The following C11orf65 variants were observed in gnomAD, a reference collection of about 807,000 sequenced individuals.
C11orf65 encodes protein MFI.
C11orf65 carries 38 observed loss-of-function variants against 35.3 expected under a neutral mutation model. The observed-to-expected ratio is 1.08, with a 90% CI of 0.83 to 1.41. The LOEUF (loss-of-function observed/expected upper bound fraction) is 1.41. C11orf65 is among the 40% of genes most tolerant of loss of function. The pLI, the probability that C11orf65 is intolerant of heterozygous loss-of-function variation, is 0.00. For synonymous variants in C11orf65, 105 were observed against 114.4 expected, an observed-to-expected ratio of 0.92 and a Z score of 0.53; for missense variants, 370 against 367.1, an observed-to-expected ratio of 1.01 and a Z score of -0.06.
Position 108,449,442 on chromosome 11 carries a change from A to G in C11orf65, c.81+12037T>C, listed in dbSNP as rs1295202844. ...GGTACTGGTACCAAAACAGAGATAT[A>G]GATCAATGGAGCAGAACAGAGTCCT... On this transcript the variant is annotated intron_variant, in intron 2 of 8. Coordinates refer to ENST00000393084, the MANE Select transcript of C11orf65 (RefSeq NM_152587.5). Among the ~76,000 whole-genome samples the G allele has an allele frequency of 4.6e-5, 7 of 152,060 alleles. 2 individuals carry two copies. Among genetic ancestry groups the G allele is most frequent in the African/African-American group, 1.7e-4 (7 of 41,290 alleles).
At chr11:108,325,251 T>C in intron 6 of C11orf65, 1 of 190,348 alleles carries the variant, frequency 5.3e-6, no homozygotes, top group Middle Eastern at 1.5e-3. Context: ...CTTACATAGT[T>C]TTTTTTTTTT....
In C11orf65 at chr11:108,315,997, ATCTTT is replaced by A. The variant is rs879254095; in HGVS notation, c.641-6931_641-6927del. 3.1e-6 allele frequency: 5 copies of A among 1,613,556 alleles called. No homozygotes were observed. Among genetic ancestry groups the A allele is most frequent in the South Asian group, 1.1e-5 (1 of 91,066 alleles). Reference sequence around the variant, plus strand: ...TGTAAAACCCAAAGCTATTTTCACAATCTTTTCTTATAGACTACGAACATATGAAC... The same window carrying A: ...TGTAAAACCCAAAGCTATTTTCACAATCTTATAGACTACGAACATATGAAC... On this transcript the variant is annotated intron_variant, in intron 6 of 6. Coordinates refer to the C11orf65 transcript ENST00000525729.
At chr11:108,347,230 A>G (rs764235707) in intron 2 of C11orf65, 2 of 1,355,642 alleles carry the variant, frequency 1.5e-6, no homozygotes, top group Non-Finnish European at 2.1e-6. Context: ...TATATATTAG[A>G]AAGAGATGGA....
At chr11:108,375,269 T>C (rs1322286883) in intron 2 of C11orf65, among the ~76,000 whole-genome samples, 5 of 152,084 alleles carry the variant, frequency 3.3e-5, no homozygotes, top group Non-Finnish European at 5.9e-5. Flanking sequence ...GGGAAGCCCA[T>C]CAGACTAACA....
chr11:108,390,085 G>A lies in C11orf65; in HGVS notation c.731+3123C>T, dbSNP rs548108992. ...GTTGCCCAGGCTGGAGTGCAGTGGCGCGATGTCAGCTCACTGCAACCTCCA... is the reference window on the plus strand; with the variant it reads ...GTTGCCCAGGCTGGAGTGCAGTGGCACGATGTCAGCTCACTGCAACCTCCA... On this transcript the variant is annotated intron_variant, in intron 7 of 8. Transcript: ENST00000393084. Among the ~76,000 whole-genome samples, 20 of 151,822 alleles carry A rather than the reference G, an allele frequency of 1.3e-4. 1 individual carries two copies. The highest frequency in any genetic ancestry group is 4.1e-4 in the African/African-American group (17 of 41,426).
At chr11:108,324,172 C>G (rs898917622) in intron 6 of C11orf65, among the ~76,000 whole-genome samples, 1 of 152,028 alleles carries the variant, frequency 6.6e-6, no homozygotes, top group South Asian at 2.1e-4. Flanking sequence ...TCCTATTACA[C>G]GTAATCTAGA....
At chr11:108,455,434 T>C (rs2093399824) in intron 2 of C11orf65, among the ~76,000 whole-genome samples, 1 of 152,102 alleles carries the variant, frequency 6.6e-6, no homozygotes, top group Non-Finnish European at 1.5e-5. Context: ...GGTGTTTCTA[T>C]AAACCAAAGA....
intron 3 of C11orf65, among the ~76,000 whole-genome samples, chr11:108,332,357 G>A (rs1272181108): frequency 1.3e-5 from 2 of 152,086 alleles, no homozygotes; most frequent in Non-Finnish European, 2.9e-5. Flanking sequence ...ACTTGAACTC[G>A]GGAGGCGGAG....
At chr11:108,403,235 T>C (rs934664945) in intron 6 of C11orf65, among the ~76,000 whole-genome samples, 1 of 152,198 alleles carries the variant, frequency 6.6e-6, no homozygotes, top group African/African-American at 2.4e-5. Context: ...TGACAGACTA[T>C]TTCAGTCATT....
In C11orf65 at chr11:108,345,751, A is replaced by G. The variant is rs538173062; in HGVS notation, c.227-10459T>C. On this transcript the variant is annotated intron_variant, in intron 2 of 3. Transcript: ENST00000524755. ...ATATTCTCTATTTAAAGGAGGTGCA[A>G]AAAAAGTCTTTTGAAGAGAAATATG... The G allele has an allele frequency of 2.1e-5, 34 of 1,610,708 alleles. No homozygotes were observed. The East Asian group carries it at 7.1e-4, about 34-fold the overall frequency.
chr11:108,427,197 A>G (rs149379105), intron 3 of C11orf65, among the ~76,000 whole-genome samples: 3,178 of 152,266 alleles, frequency 0.021, 121 homozygotes, highest in African/African-American at 0.071. Context: ...ATGGGATCTA[A>G]TTAAACTAAA....
At chr11:108,324,114 G>T (rs900315417) in intron 6 of C11orf65, among the ~76,000 whole-genome samples, 21 of 152,066 alleles carry the variant, frequency 1.4e-4, no homozygotes, top group Non-Finnish European at 2.6e-4. Context: ...TTACATTATA[G>T]TAGGTATAAT....
rs1381471148 is a variant in C11orf65 at position 108,450,942 on chromosome 11, C to T, written c.81+10537G>A. ...TCTCAATAGATGCAGAAACGGCCTT[C>T]AATAAAATTCAACAGCTCTTCATGC... On this transcript the variant is annotated intron_variant, in intron 2 of 8. Coordinates refer to ENST00000393084, the MANE Select transcript of C11orf65 (RefSeq NM_152587.5). 1.1e-4 allele frequency among the ~76,000 whole-genome samples: 16 copies of T among 151,772 alleles called. No individual in the cohort carries two copies. In the East Asian group the frequency reaches 3.1e-3, roughly 29 times the overall value.
chr11:108,418,538 T>C (rs2092772798), intron 3 of C11orf65, among the ~76,000 whole-genome samples: 1 of 152,036 alleles, frequency 6.6e-6, no homozygotes, highest in Non-Finnish European at 1.5e-5. Flanking sequence ...TTTATGTCCT[T>C]AAATACATAT....
At chr11:108,353,591 A>G (rs1311996209) in intron 2 of C11orf65, among the ~76,000 whole-genome samples, 2 of 152,236 alleles carry the variant, frequency 1.3e-5, no homozygotes, top group African/African-American at 4.8e-5. Flanking sequence ...TGGATCTCAC[A>G]GACAGTGACA....
chr11:108,406,861 G>GCTTT lies in C11orf65; in HGVS notation c.327_330dup (p.His111LysfsTer6). The GCTTT allele has an allele frequency of 1.2e-6, 2 of 1,612,468 alleles. No homozygotes were observed. Among genetic ancestry groups the GCTTT allele is most frequent in the Non-Finnish European group, 1.7e-6 (2 of 1,178,742 alleles). On this transcript the variant is annotated frameshift_variant, in exon 5 of 9. Coordinates refer to ENST00000393084, the MANE Select transcript of C11orf65 (RefSeq NM_152587.5). LOFTEE classifies it high-confidence loss of function. ...TGATCATTTTTATTATGAGATGTAT[G>GCTTT]CTTTGCTGGAAGTTTTGCATAATTT...
chr11:108,321,195 C>CAGT, intron 6 of C11orf65: 2 of 1,422,410 alleles, frequency 1.4e-6, no homozygotes, highest in Non-Finnish European at 1.9e-6. Flanking sequence ...ATTATTAGAT[C>CAGT]AGTAGCAAAG....
chr11:108,356,344 T>G (rs1039544657), intron 2 of C11orf65, among the ~76,000 whole-genome samples: 3 of 152,100 alleles, frequency 2.0e-5, no homozygotes, highest in African/African-American at 7.2e-5. Flanking sequence ...AAGACCAGTT[T>G]GGCCAACATG....
intron 3 of C11orf65, among the ~76,000 whole-genome samples, chr11:108,422,926 G>A (rs1250261486): frequency 2.0e-5 from 3 of 151,262 alleles, no homozygotes; most frequent in African/African-American, 7.3e-5. Context: ...CATACACAGA[G>A]GTCAGTCCCA....
Sources: allele counts gnomAD v4.1 joint callset (sites outside exome capture counted in the v4.1 genomes callset), GRCh38; gene constraint gnomAD v4.1.1; transcripts MANE v1.5; gene names NCBI Gene and HGNC (gene_info 2026-07-23, HGNC 2026-07-21).